NT5DC1: variants seen among roughly 807,000 people sequenced by gnomAD.
The protein encoded by NT5DC1 is 5'-nucleotidase domain containing 1.
In NT5DC1, 42 loss-of-function variants were observed where a neutral mutation model predicts 59.4. The observed-to-expected ratio is 0.71, with a 90% CI of 0.55 to 0.92. The LOEUF (loss-of-function observed/expected upper bound fraction) is 0.92. Among genes scored for constraint, NT5DC1 ranks in the 40% least tolerant of loss-of-function variants. The probability of loss-of-function intolerance (pLI) is 0.00; values close to 1 mark genes in which losing one functional copy is unlikely to be tolerated. For missense variants in NT5DC1, 501 were observed against 537.1 expected (o/e 0.93, Z 0.66); for synonymous variants, 172 against 188.1 (o/e 0.91, Z 0.70).
In NT5DC1 at chr6:116,120,864, G is replaced by A. The variant is rs753725049; in HGVS notation, c.529+2919G>A. The A allele has an allele frequency of 8.1e-6, 13 of 1,613,800 alleles. No homozygotes were observed. The Admixed American group carries it at 1.8e-4, about 23-fold the overall frequency. On this transcript the variant is annotated intron_variant, in intron 6 of 11. Coordinates refer to ENST00000319550, the MANE Select transcript of NT5DC1 (RefSeq NM_152729.3). ...GGGCCCACAGGGCCTGGGAGACCAG[G>A]AGGTCCTCCAACTCCAGGATCACCT...
intron 6 of NT5DC1, among the ~76,000 whole-genome samples, chr6:116,142,828 G>A (rs1232571495): frequency 6.6e-6 from 1 of 152,160 alleles, no homozygotes; most frequent in Non-Finnish European, 1.5e-5. Flanking sequence ...AGTTCTAAAA[G>A]TTATTTTCGT....
chr6:116,116,002 G>A (rs917724095), intron 5 of NT5DC1, among the ~76,000 whole-genome samples: 2 of 151,712 alleles, frequency 1.3e-5, no homozygotes. Flanking sequence ...CAGCAGAGGG[G>A]GCAAAAGTTT....
chr6:116,205,121 T>A (rs561742414), intron 6 of NT5DC1, among the ~76,000 whole-genome samples: 4 of 152,098 alleles, frequency 2.6e-5, no homozygotes, highest in African/African-American at 9.6e-5. Flanking sequence ...TGTTTCTGGT[T>A]AGGCCGGTAA....
At chr6:116,157,341 C>T (rs181365590) in intron 6 of NT5DC1, among the ~76,000 whole-genome samples, 103 of 152,228 alleles carry the variant, frequency 6.8e-4, no homozygotes, top group African/African-American at 2.5e-3. Context: ...GAACCCTAGA[C>T]AAGTAACTGT....
intron 6 of NT5DC1, among the ~76,000 whole-genome samples, chr6:116,160,459 G>A (rs1019692974): frequency 1.1e-4 from 16 of 152,012 alleles, no homozygotes; most frequent in Non-Finnish European, 1.9e-4. Context: ...CTTTTTAATG[G>A]AATTTTTGTG....
intron 6 of NT5DC1, among the ~76,000 whole-genome samples, chr6:116,191,587 C>T (rs1245018053): frequency 2.6e-5 from 4 of 152,020 alleles, no homozygotes; most frequent in Admixed American, 6.6e-5. Context: ...CTTTTCTCCT[C>T]AAGGTACGTG....
chr6:116,198,111 G>A (rs1275897034), intron 6 of NT5DC1, among the ~76,000 whole-genome samples: 2 of 152,040 alleles, frequency 1.3e-5, no homozygotes, highest in African/African-American at 4.8e-5. Flanking sequence ...TATTTCTCCT[G>A]TCAAAGTGCT....
chr6:116,121,632 C>G (rs548773444), intron 6 of NT5DC1: 2 of 1,613,976 alleles, frequency 1.2e-6, no homozygotes, highest in Admixed American at 1.7e-5. Context: ...CCTGTGGGTC[C>G]CTGTTGTCCA....
intron 8 of NT5DC1, among the ~76,000 whole-genome samples, chr6:116,224,523 C>A (rs1429704107): frequency 6.6e-6 from 1 of 152,192 alleles, no homozygotes; most frequent in Non-Finnish European, 1.5e-5. Context: ...GCCAGGGAAG[C>A]TCTGTCCAAA....
intron 6 of NT5DC1, among the ~76,000 whole-genome samples, chr6:116,214,832 G>A (rs200725486): frequency 2.6e-5 from 4 of 151,462 alleles, no homozygotes; most frequent in Non-Finnish European, 5.9e-5. Flanking sequence ...AAAAAAAAAA[G>A]AGTTATCTGG....
chr6:116,161,414 A>T (rs918249271), intron 6 of NT5DC1, among the ~76,000 whole-genome samples: 6 of 151,052 alleles, frequency 4.0e-5, no homozygotes, highest in East Asian at 1.9e-4. Flanking sequence ...TAAAGCAGAT[A>T]AAAAAAAAGA....
chr6:116,155,700 C>T (rs1166908744), intron 6 of NT5DC1, among the ~76,000 whole-genome samples: 1 of 141,858 alleles, frequency 7.0e-6, no homozygotes, highest in Non-Finnish European at 1.5e-5. Context: ...CTAAAGGGCA[C>T]TGGGTGAATA....
At chr6:116,150,174 T>G (rs896415849) in intron 6 of NT5DC1, among the ~76,000 whole-genome samples, 1 of 152,204 alleles carries the variant, frequency 6.6e-6, no homozygotes, top group African/African-American at 2.4e-5. Flanking sequence ...GAGTGACCAA[T>G]TAGATGTATG....
intron 6 of NT5DC1, among the ~76,000 whole-genome samples, chr6:116,143,631 G>C (rs974978546): frequency 1.3e-5 from 2 of 152,170 alleles, no homozygotes; most frequent in African/African-American, 4.8e-5. Flanking sequence ...TAAGGAATGA[G>C]AGTGTGCCAT....
chr6:116,206,399 A>G (rs1453723504), intron 6 of NT5DC1, among the ~76,000 whole-genome samples: 1 of 152,046 alleles, frequency 6.6e-6, no homozygotes, highest in Non-Finnish European at 1.5e-5. Context: ...ATAAGCCAAC[A>G]GTCTCTCAAT....
intron 6 of NT5DC1, chr6:116,119,980 C>G (rs1779058771): frequency 5.3e-6 from 6 of 1,126,364 alleles, no homozygotes; most frequent in Non-Finnish European, 8.1e-6. Flanking sequence ...AAATTACATT[C>G]TTTTCAGCCT....
chr6:116,191,232 T>A (rs924670844), intron 6 of NT5DC1, among the ~76,000 whole-genome samples: 1 of 152,072 alleles, frequency 6.6e-6, no homozygotes, highest in Non-Finnish European at 1.5e-5. Flanking sequence ...CTTTGTAGTT[T>A]AGCAAGAATT....
chr6:116,192,104 C>CTTAATTAT (rs1442816865), intron 6 of NT5DC1, among the ~76,000 whole-genome samples: 1 of 151,880 alleles, frequency 6.6e-6, no homozygotes, highest in Non-Finnish European at 1.5e-5. Context: ...GTCATGTGGA[C>CTTAATTAT]TTAATTAGGT....
chr6:116,177,029 C>T (rs1359908121), intron 6 of NT5DC1, among the ~76,000 whole-genome samples: 1 of 152,036 alleles, frequency 6.6e-6, no homozygotes, highest in African/African-American at 2.4e-5. Context: ...TACAAAATGT[C>T]CAGAGAACTA....
Sources: gnomAD v4.1 joint callset for allele counts (sites outside exome capture counted in the v4.1 genomes callset) on GRCh38, gnomAD v4.1.1 for gene constraint, MANE v1.5 for transcripts, NCBI Gene and HGNC (gene_info 2026-07-23, HGNC 2026-07-21) for gene names.